The following DEPDC4 variants were observed in gnomAD, a reference collection of about 807,000 sequenced individuals.
DEPDC4 encodes DEP domain-containing protein 4.
In DEPDC4, 52 loss-of-function variants were observed where a neutral mutation model predicts 52.0. The observed-to-expected ratio is 1.00, with a 90% CI of 0.80 to 1.26. The LOEUF (loss-of-function observed/expected upper bound fraction) is 1.26, where lower values mean the gene tolerates loss of function less well. Ranked by LOEUF, DEPDC4 falls within the 50% of genes most tolerant of loss-of-function variation. The pLI is 0.00. For missense variants in DEPDC4, 530 were observed against 546.9 expected (o/e 0.97, Z 0.31); for synonymous variants, 201 against 196.8 (o/e 1.02, Z -0.18).
intron 3 of DEPDC4, chr12:100,261,734 C>T (rs763060087): frequency 2.2e-6 from 1 of 456,698 alleles, no homozygotes; most frequent in South Asian, 1.5e-5. Flanking sequence ...CCTCACCTGT[C>T]TTATCTGATG....
chr12:100,241,871 G>C (rs1247900797), intron 9 of DEPDC4, 26 bp from the exon 10 acceptor site: 6 of 1,104,980 alleles, frequency 5.4e-6, no homozygotes, highest in Admixed American at 4.5e-5. Flanking sequence ...AAAAACAAAA[G>C]AAAAAGAAAA....
chr12:100,243,924 T>C (rs1289646672), intron 8 of DEPDC4, among the ~76,000 whole-genome samples: 1 of 151,680 alleles, frequency 6.6e-6, no homozygotes, highest in African/African-American at 2.4e-5. Flanking sequence ...AAATGTTATA[T>C]TTCTTTGGCT....
At chr12:100,271,281 A>AAAAAAAAAG (rs869276181), upstream of DEPDC4, among the ~76,000 whole-genome samples, 17 of 128,898 alleles carry the variant, frequency 1.3e-4, no homozygotes, top group African/African-American at 2.8e-4. Flanking sequence ...AAAAAAAAAA[A>AAAAAAAAAG]AGAGAGAGAG....
chr12:100,262,235 G>T, intron 3 of DEPDC4, 29 bp downstream of exon 3: 3 of 1,593,650 alleles, frequency 1.9e-6, no homozygotes, highest in Non-Finnish European at 2.6e-6. Flanking sequence ...TCCTTACCAT[G>T]TTCTGAAAAA....
upstream of DEPDC4, among the ~76,000 whole-genome samples, chr12:100,271,428 G>A (rs1046158589): frequency 6.6e-6 from 1 of 152,108 alleles, no homozygotes; most frequent in Non-Finnish European, 1.5e-5. Context: ...ATTCTTGAAT[G>A]TAATTCTTAA....
chr12:100,279,571 T>C, the DEPDC4 span, among the ~76,000 whole-genome samples: 4 of 152,248 alleles, frequency 2.6e-5, no homozygotes, highest in African/African-American at 9.6e-5. Flanking sequence ...TTCATGACTA[T>C]TGGGTTTTGT....
chr12:100,252,041 G>T, intron 7 of DEPDC4, 135 bp downstream of exon 7: 2 of 776,394 alleles, frequency 2.6e-6, no homozygotes, highest in Non-Finnish European at 3.2e-6. Flanking sequence ...TTTTGTGGGT[G>T]TGGGGAGTCA....
At chr12:100,239,677 G>A (rs1443316049), downstream of DEPDC4, among the ~76,000 whole-genome samples, 1 of 151,932 alleles carries the variant, frequency 6.6e-6, no homozygotes, top group Non-Finnish European at 1.5e-5. Flanking sequence ...GAGCCACCAG[G>A]CCAAGCCTTA....
chr12:100,252,725 T>C (rs1184117820), intron 5 of DEPDC4, among the ~76,000 whole-genome samples, 189 bp from the exon 6 acceptor site: 1 of 152,258 alleles, frequency 6.6e-6, no homozygotes, highest in African/African-American at 2.4e-5. Context: ...CTATGTAATA[T>C]GCGATGTAGC....
chr12:100,253,470 T>A lies in DEPDC4; in HGVS notation c.1105+19A>T, dbSNP rs767826583. 2.7e-6 allele frequency: 3 copies of A among 1,118,258 alleles called. 1 individual carries two copies. The South Asian group carries it at 4.1e-5, about 15-fold the overall frequency. 69.3% of individuals were successfully genotyped at this position (1,118,258 alleles called of 1,614,324 possible). A position where few individuals can be genotyped will look rare whatever the true frequency, so the allele number is the denominator to read the frequency against. ...TGTTTTATTACACCAAAAATTAAAA[T>A]ATAAACATCCTATCTTACCTAAAAG... On this transcript the variant is annotated intron_variant, in intron 5 of 9. Coordinates refer to ENST00000550587, the MANE Select transcript of DEPDC4 (RefSeq NM_001364818.2).
intron 8 of DEPDC4, among the ~76,000 whole-genome samples, chr12:100,243,084 T>C (rs766547028): frequency 3.6e-4 from 55 of 152,174 alleles, no homozygotes; most frequent in Non-Finnish European, 3.4e-4. Context: ...CATAAGAGAT[T>C]AACAGCAATA....
upstream of DEPDC4, among the ~76,000 whole-genome samples, chr12:100,269,327 C>CT (rs200596986): frequency 5.6e-3 from 844 of 151,944 alleles, 8 homozygotes; most frequent in African/African-American, 0.019. Flanking sequence ...CCCTTCCTTT[C>CT]TTTTTTTAGC....
intron 8 of DEPDC4, among the ~76,000 whole-genome samples, chr12:100,242,865 C>T (rs77162365): frequency 1.3e-5 from 2 of 152,156 alleles, no homozygotes; most frequent in Non-Finnish European, 2.9e-5. Context: ...CTGCAACATG[C>T]GACAAAGCAA....
chr12:100,270,491 A>G (rs910574967), upstream of DEPDC4, among the ~76,000 whole-genome samples: 7 of 152,144 alleles, frequency 4.6e-5, no homozygotes, highest in African/African-American at 1.7e-4. Context: ...TGTAAAAACT[A>G]TAGTTCACTA....
intron 3 of DEPDC4, among the ~76,000 whole-genome samples, chr12:100,257,978 TAGATAGATAGATA>T (rs1483360995): frequency 8.9e-3 from 1 of 112 alleles, no homozygotes; most frequent in Non-Finnish European, 0.016. Flanking sequence ...AATGTATTGA[TAGATAGATAGATA>T]GATAGATAGA....
intron 8 of DEPDC4, among the ~76,000 whole-genome samples, chr12:100,244,564 C>T (rs11110312): frequency 0.15 from 22,271 of 151,632 alleles, 2,113 homozygotes; most frequent in Non-Finnish European, 0.21. Context: ...CAGCCTGGAC[C>T]TCCTGCAGCG....
chr12:100,275,482 T>C, the DEPDC4 span, among the ~76,000 whole-genome samples: 2 of 152,294 alleles, frequency 1.3e-5, no homozygotes, highest in East Asian at 3.9e-4. Context: ...AGGCATGAAT[T>C]ACTATGCCCA....
the DEPDC4 span, among the ~76,000 whole-genome samples, chr12:100,280,800 T>C: frequency 6.6e-6 from 1 of 152,016 alleles, no homozygotes; most frequent in East Asian, 1.9e-4. Context: ...ATCCAACATC[T>C]GAAAAAATAA....
intron 3 of DEPDC4, among the ~76,000 whole-genome samples, chr12:100,259,445 A>T (rs1387168210): frequency 1.3e-5 from 2 of 152,228 alleles, no homozygotes; most frequent in African/African-American, 4.8e-5. Context: ...GCAAAACAGA[A>T]AACAAAAATG....
Sources: allele counts gnomAD v4.1 joint callset (sites outside exome capture counted in the v4.1 genomes callset), GRCh38; gene constraint gnomAD v4.1.1; transcripts MANE v1.5; gene names NCBI Gene and HGNC (gene_info 2026-07-23, HGNC 2026-07-21).